Variants in DLGAP1 observed in about 807,000 individuals in gnomAD.
The protein encoded by DLGAP1 is DLG associated protein 1, also known as disks large-associated protein 1.
Under a neutral mutation model 90.8 loss-of-function variants are expected in DLGAP1, and 11 were observed. The ratio of observed to expected loss-of-function variants is 0.12; its 90% CI spans 0.08 to 0.20. The LOEUF is 0.20. DLGAP1 is among the 10% of genes least tolerant of loss of function. The pLI, the probability that DLGAP1 is intolerant of heterozygous loss-of-function variation, is 1.00. For missense variants in DLGAP1, 1,050 were observed against 1,333.8 expected, an observed-to-expected ratio of 0.79 and a Z score of 3.31; for synonymous variants, 558 against 540.7, an observed-to-expected ratio of 1.03 and a Z score of -0.44.
chr18:3,823,721 G>A (rs371455575), intron 4 of DLGAP1, among the ~76,000 whole-genome samples: 9 of 152,014 alleles, frequency 5.9e-5, no homozygotes, highest in Admixed American at 2.0e-4. Flanking sequence ...AGGCCGAGGC[G>A]GGCAGATCAC....
chr18:4,255,508 A>ATAT (rs1555772770), intron 1 of DLGAP1, among the ~76,000 whole-genome samples: 5 of 128,326 alleles, frequency 3.9e-5, no homozygotes, highest in African/African-American at 2.4e-4. Context: ...GATGAAAAAA[A>ATAT]AAATATATAT....
At chr18:4,164,785 A>C (rs2076905713) in intron 1 of DLGAP1, among the ~76,000 whole-genome samples, 1 of 152,208 alleles carries the variant, frequency 6.6e-6, no homozygotes, top group African/African-American at 2.4e-5. Context: ...GCAAAGAAAC[A>C]GAAATTATAA....
At chr18:3,604,456 GCA>G (rs10609683) in intron 7 of DLGAP1, 123,494 of 150,894 alleles carry the variant, frequency 0.82, 50,891 homozygotes, top group African/African-American at 0.93. Context: ...ACACGCACAC[GCA>G]CACACACACA....
chr18:3,994,506 C>A (rs141125188), intron 3 of DLGAP1, among the ~76,000 whole-genome samples: 8 of 152,282 alleles, frequency 5.3e-5, no homozygotes, highest in African/African-American at 1.4e-4. Flanking sequence ...TGACAGAGTG[C>A]GGCTAAAAAT....
intron 2 of DLGAP1, among the ~76,000 whole-genome samples, chr18:4,037,592 G>T (rs1403354591): frequency 6.6e-6 from 1 of 152,106 alleles, no homozygotes; most frequent in Non-Finnish European, 1.5e-5. Flanking sequence ...TCTTTTGGGG[G>T]CTCTTCAGCA....
intron 7 of DLGAP1, among the ~76,000 whole-genome samples, chr18:3,613,951 T>C (rs967370685): frequency 3.3e-5 from 5 of 151,502 alleles, no homozygotes; most frequent in Admixed American, 3.3e-4. Flanking sequence ...GAGATGGAGT[T>C]TCCCTCTTTT....
chr18:4,123,972 T>G (rs892112395), intron 2 of DLGAP1, among the ~76,000 whole-genome samples: 5 of 152,178 alleles, frequency 3.3e-5, no homozygotes, highest in Non-Finnish European at 7.4e-5. Flanking sequence ...ATTCCCATGT[T>G]AAAGATGCGC....
chr18:3,948,931 T>TA lies in DLGAP1; in HGVS notation c.-73+56184dup, dbSNP rs1374070367. Among the ~76,000 whole-genome samples, 7 of 152,118 alleles carry TA rather than the reference T, an allele frequency of 4.6e-5. No individual in the cohort carries two copies. In the East Asian group the frequency reaches 1.2e-3, roughly 25 times the overall value. On this transcript the variant is annotated intron_variant, in intron 3 of 12. Coordinates refer to ENST00000315677, the MANE Select transcript of DLGAP1 (RefSeq NM_004746.4). ...AAAAACCTGTGGAAATAAAAAATTTTAAAAAAATAAATAAAAATATGGACT... is the reference window on the plus strand; with the variant it reads ...AAAAACCTGTGGAAATAAAAAATTTTAAAAAAAATAAATAAAAATATGGACT...
intron 5 of DLGAP1, among the ~76,000 whole-genome samples, chr18:3,755,810 A>G (rs1179636354): frequency 6.6e-6 from 1 of 152,214 alleles, no homozygotes; most frequent in African/African-American, 2.4e-5. Flanking sequence ...ACTATCAACC[A>G]AACAGAACTA....
At chr18:3,694,944 T>TG (rs1004125880) in intron 7 of DLGAP1, among the ~76,000 whole-genome samples, 10 of 139,746 alleles carry the variant, frequency 7.2e-5, no homozygotes, top group Admixed American at 1.5e-4. Flanking sequence ...TTTTTGTTTT[T>TG]TTTTTTTTTT....
At chr18:3,787,211 T>A (rs907843738) in intron 5 of DLGAP1, among the ~76,000 whole-genome samples, 1 of 152,026 alleles carries the variant, frequency 6.6e-6, no homozygotes, top group Admixed American at 6.6e-5. Context: ...GGGCCAGGCG[T>A]GGTGGCTTAC....
intron 3 of DLGAP1, among the ~76,000 whole-genome samples, chr18:3,966,788 G>A (rs74659134): frequency 9.1e-4 from 139 of 152,166 alleles, no homozygotes; most frequent in African/African-American, 3.3e-3. Context: ...GTTGGCAGCT[G>A]GATTAACGAG....
intron 5 of DLGAP1, among the ~76,000 whole-genome samples, chr18:3,763,750 A>G (rs1055114461): frequency 2.0e-5 from 3 of 150,324 alleles, no homozygotes; most frequent in African/African-American, 7.4e-5. Context: ...TGCAACCTCC[A>G]TCTCCCAGGT....
Position 3,582,053 on chromosome 18 carries a change from A to G in DLGAP1, c.1787T>C (p.Met596Thr). 1.2e-6 allele frequency: 2 copies of G among 1,611,750 alleles called. No individual in the cohort carries two copies. Among genetic ancestry groups the G allele is most frequent in the Non-Finnish European group, 1.7e-6 (2 of 1,179,626 alleles). ...LSNSTESLDS[M>T]KALTAAIEAA... ...TTCGATGGCGGCTGTCAGAGCCTTC[A>G]TACTGTCCAGGCTCTCGGTGGAGTT... is the stretch of plus-strand genomic sequence containing the variant. Residue 596 changes from methionine (M) to threonine (T), a missense_variant, in exon 8 of 13, where the codon ATG becomes ACG. By Grantham distance (81) the Met-to-Thr change is moderately conservative. This residue lies in a region of DLGAP1 where 565 missense variants were observed against 879.7 expected (regional missense o/e 0.64). Transcript: ENST00000315677.
At chr18:3,673,124 C>T (rs764576695) in intron 7 of DLGAP1, among the ~76,000 whole-genome samples, 37 of 152,168 alleles carry the variant, frequency 2.4e-4, no homozygotes, top group Admixed American at 5.2e-4. Context: ...TCTTTGGCTT[C>T]GCTCTTTTAC....
chr18:4,250,393 A>G (rs117653992), intron 1 of DLGAP1, among the ~76,000 whole-genome samples: 1,843 of 152,330 alleles, frequency 0.012, 15 homozygotes, highest in South Asian at 0.038. Context: ...ACGAAAAATA[A>G]TGTCATCAGC....
chr18:3,803,685 A>T (rs2066420082), intron 5 of DLGAP1, among the ~76,000 whole-genome samples: 1 of 151,992 alleles, frequency 6.6e-6, no homozygotes, highest in Non-Finnish European at 1.5e-5. Flanking sequence ...GGAGGAAAGA[A>T]GTTGGAGAGA....
At chr18:3,535,715 A>G (rs1161006215) in intron 9 of DLGAP1, among the ~76,000 whole-genome samples, 3 of 149,644 alleles carry the variant, frequency 2.0e-5, no homozygotes, top group Non-Finnish European at 4.4e-5. Flanking sequence ...CTCAAAAAAA[A>G]AAAAGAAGAA....
chr18:3,642,885 C>A (rs1304456877), intron 7 of DLGAP1, among the ~76,000 whole-genome samples: 1 of 152,154 alleles, frequency 6.6e-6, no homozygotes, highest in Non-Finnish European at 1.5e-5. Context: ...GGGGATATGG[C>A]AATGTCTAGT....
Sources: allele counts gnomAD v4.1 joint callset (sites outside exome capture counted in the v4.1 genomes callset), GRCh38; gene constraint gnomAD v4.1.1; regional missense constraint gnomAD v4.1.1; transcripts MANE v1.5; gene names NCBI Gene and HGNC (gene_info 2026-07-23, HGNC 2026-07-21).